Variants in PLEC observed in about 807,000 individuals in gnomAD.
PLEC encodes the protein plectin, also known as hemidesmosomal protein 1.
In PLEC, 216 loss-of-function variants were observed where a neutral mutation model predicts 392.8. The ratio of observed to expected loss-of-function variants is 0.55; its 90% CI spans 0.49 to 0.62. The LOEUF (loss-of-function observed/expected upper bound fraction) is 0.62. PLEC is among the 20% of genes least tolerant of loss of function. PLEC has a pLI of 0.00. For missense variants in PLEC, 6,863 were observed against 6,563.4 expected (o/e 1.05, Z -1.58); for synonymous variants, 3,621 against 2,980.6 (o/e 1.21, Z -7.00).
chr8:143,950,907 G>T, upstream of PLEC: 1 of 1,132,118 alleles, frequency 8.8e-7, no homozygotes, highest in South Asian at 1.7e-5. Flanking sequence ...GCCTGGCTCC[G>T]TGCAATCCCT....
rs1169512539 is a variant in PLEC at position 143,924,730 on chromosome 8, C to T, written c.5199G>A (p.Glu1733=). 2 of 1,534,656 alleles carry T rather than the reference C, an allele frequency of 1.3e-6. No individual in the cohort carries two copies. The highest frequency in any genetic ancestry group is 1.7e-4 in the Middle Eastern group (1 of 5,980). Residue 1733 remains glutamate (E), a synonymous_variant, in exon 31 of 32, where the codon GAG becomes GAA. Transcript: ENST00000345136. ...EQGEQQRQLL[E]EELARLQREA... is the part of the protein sequence containing the mutation. ...CACGCTGCAGCCGGGCCAGCTCCTC[C>T]TCCAGCAGCTGCCGCTGCTGCTCCC...
chr8:143,917,150 G>C lies in PLEC; in HGVS notation c.12671C>G (p.Ala4224Gly), dbSNP rs368212208. The C allele has an allele frequency of 1.4e-4, 229 of 1,607,564 alleles. No individual in the cohort carries two copies. The highest frequency in any genetic ancestry group is 2.0e-4 in the Admixed American group (12 of 59,920). The part of the protein sequence containing the change: ...IDRSALDQYR[A>G]GTLSITEFAD... ...GAACTCGGTGATGGAGAGCGTGCCG[G>C]CGCGGTACTGGTCCAGTGCCGAGCG... Residue 4224 changes from alanine (A) to glycine (G), a missense_variant, in exon 32 of 32, where the codon GCC becomes GGC. Coordinates refer to ENST00000345136, the MANE Select transcript of PLEC (RefSeq NM_201384.3).
rs1828873368 is a variant in PLEC at position 143,935,729 on chromosome 8, C to G, written c.602+119G>C. On this transcript the variant is annotated intron_variant, in intron 6 of 31. Transcript: ENST00000345136. The stretch of plus-strand genomic sequence containing the variant: ...AACTCCACCACCCCGAGGCGGCCAG[C>G]TGGCACTCATCCCTGTTCCTCCTGC... The G allele has an allele frequency of 2.4e-5, 27 of 1,131,362 alleles. 1 individual carries two copies. The South Asian group carries it at 3.3e-4, about 14-fold the overall frequency. 70.1% of individuals were successfully genotyped at this position (1,131,362 alleles called of 1,614,324 possible). A position where few individuals can be genotyped will look rare whatever the true frequency, so the allele number is the denominator to read the frequency against.
Position 143,918,136 on chromosome 8 carries a change from C to T in PLEC, c.11685G>A (p.Glu3895=). 1.3e-6 allele frequency: 2 copies of T among 1,599,584 alleles called. No homozygotes were observed. The highest frequency in any genetic ancestry group is 1.7e-6 in the Non-Finnish European group (2 of 1,179,354). ...CCATGACCTGCGAGCGCACCAGCTC[C>T]TCCATGGTGATCTGCTTCCGCAGGC... The part of the protein sequence containing the change: ...FRGLRKQITM[E]ELVRSQVMDE... The change falls in exon 32 of 32, where the codon GAG becomes GAA. Residue 3895 remains glutamate (E), a synonymous_variant. Transcript: ENST00000345136.
intron 18 of PLEC, 22 bp downstream of exon 18, chr8:143,931,915 C>A: frequency 6.3e-7 from 1 of 1,586,280 alleles, no homozygotes; most frequent in Non-Finnish European, 8.6e-7. Flanking sequence ...AGCCACAGTG[C>A]GGAGGGGGCT....
rs538589589 is a variant in PLEC at position 143,918,492 on chromosome 8, C to T, written c.11329G>A (p.Glu3777Lys). 815 of 1,601,344 alleles carry T rather than the reference C, an allele frequency of 5.1e-4. No homozygotes were observed. The highest frequency in any genetic ancestry group is 6.1e-4 in the Non-Finnish European group (721 of 1,175,406). Residue 3777 changes from glutamate (E) to lysine (K), a missense_variant, in exon 32 of 32, where the codon GAG becomes AAG. Coordinates refer to ENST00000345136, the MANE Select transcript of PLEC (RefSeq NM_201384.3). ...GCCTGGAAGAGCGAGATGGTCTGCTCGGTGTAGGGGTCACGGTAGCCGGTG... is the reference window on the plus strand; with the variant it reads ...GCCTGGAAGAGCGAGATGGTCTGCTTGGTGTAGGGGTCACGGTAGCCGGTG... Reference protein sequence around the residue: ...AVTGYRDPYTEQTISLFQAMK... With the variant: ...AVTGYRDPYTKQTISLFQAMK...
At chr8:143,937,723 T>A (rs1554724631) in intron 3 of PLEC, 1 of 490,376 alleles carries the variant, frequency 2.0e-6, no homozygotes, top group African/African-American at 1.9e-5. Flanking sequence ...CCCGTGCCGC[T>A]GCAGCCGGCA....
In PLEC at chr8:143,919,080, C is replaced by T. The variant is rs782459958; in HGVS notation, c.10741G>A (p.Gly3581Ser). 19 of 1,611,446 alleles carry T rather than the reference C, an allele frequency of 1.2e-5. No individual in the cohort carries two copies. The highest frequency in any genetic ancestry group is 2.2e-5 in the East Asian group (1 of 44,878). The change falls in exon 32 of 32, where the codon GGC becomes AGC. Residue 3581 changes from glycine (G) to serine (S), a missense_variant. Coordinates refer to ENST00000345136, the MANE Select transcript of PLEC (RefSeq NM_201384.3). ...QIDIPGGGSHGGSTMSLWEVM... is the reference protein window; with the variant it reads ...QIDIPGGGSHSGSTMSLWEVM... ...TCCCACAGGGACATGGTGGAGCCGC[C>T]GTGGCTGCCGCCGCCGGGAATGTCG...
intron 30 of PLEC, 49 bp from the exon 31 acceptor site, chr8:143,925,933 G>C (rs782696116): frequency 2.0e-6 from 3 of 1,519,908 alleles, no homozygotes; most frequent in Non-Finnish European, 1.8e-6. Context: ...GTGTGAACAC[G>C]GGCAGGCGCT....
chr8:143,924,807 G>A lies in PLEC; in HGVS notation c.5122C>T (p.Arg1708Cys), dbSNP rs1455649324. ...ATCAACTCCTGCTCCGCGGCCAGGC[G>A]CTGCTGCGCGGTGCCTTCCGCCAGC... ...RQLAEGTAQQ[R>C]LAAEQELIRL... Residue 1708 changes from arginine to cysteine, a missense_variant, in exon 31 of 32, where the codon CGC (arginine) becomes TGC (cysteine). Physicochemically the swap from Arg to Cys is radical, Grantham distance 180. Coordinates refer to ENST00000345136, the MANE Select transcript of PLEC (RefSeq NM_201384.3). 1.8e-5 allele frequency: 27 copies of A among 1,539,242 alleles called. No individual in the cohort carries two copies. The highest frequency in any genetic ancestry group is 4.9e-5 in the East Asian group (2 of 41,004).
In PLEC at chr8:143,916,854, C is replaced by A; in HGVS notation, c.12967G>T (p.Asp4323Tyr). The change falls in exon 32 of 32, where the codon GAC becomes TAC. Residue 4323 changes from aspartate to tyrosine, a missense_variant. Transcript: ENST00000345136. ...EAQACTGGIIDPSTGERFPVT... is the reference protein window; with the variant it reads ...EAQACTGGIIYPSTGERFPVT... ...GGGAAGCGCTCACCGGTGCTGGGGT[C>A]GATGATGCCCCCGGTGCAGGCCTGC... 1 of 1,611,982 alleles carries A rather than the reference C, an allele frequency of 6.2e-7. No homozygotes were observed. The highest frequency in any genetic ancestry group is 8.5e-7 in the Non-Finnish European group (1 of 1,179,676).
intron 1 of PLEC, among the ~76,000 whole-genome samples, chr8:143,947,632 C>T (rs1831654378): frequency 6.6e-6 from 1 of 151,834 alleles, no homozygotes; most frequent in Non-Finnish European, 1.5e-5. Context: ...TGCCTGTAAT[C>T]CCAGCTACTC....
Position 143,921,645 on chromosome 8 carries a change from C to T in PLEC, c.8176G>A (p.Ala2726Thr). The T allele has an allele frequency of 1.9e-6, 3 of 1,613,080 alleles. No individual in the cohort carries two copies. The highest frequency in any genetic ancestry group is 1.7e-6 in the Non-Finnish European group (2 of 1,179,926). Residue 2726 changes from alanine (A) to threonine (T), a missense_variant, in exon 32 of 32, where the codon GCC (alanine) becomes ACC (threonine). Physicochemically the swap from Ala to Thr is moderately conservative, Grantham distance 58. Transcript: ENST00000345136. ...LQRQLLSPGT[A>T]LILLEAQAAS... ...GCCTGCGCCTCCAGCAGGATGAGGG[C>T]CGTGCCGGGACTCAGCAGCTGCCTC... is the stretch of plus-strand genomic sequence containing the variant.
In PLEC at chr8:143,973,199, T is replaced by C. The variant is rs1043035557; in HGVS notation, c.70+204A>G. 1.4e-5 allele frequency among the ~76,000 whole-genome samples: 2 copies of C among 144,120 alleles called. No individual in the cohort carries two copies. The highest frequency in any genetic ancestry group is 3.1e-5 in the Non-Finnish European group (2 of 65,328). The allele number at this position is 144,120 out of a possible 152,430, so 94.5% of individuals were successfully genotyped here. Reference sequence around the variant, plus strand: ...CCCACCCGAGCCGCGCGATGCCCTATTAAGGGCATGGCCTCGGGGGCTCAG... The same window carrying C: ...CCCACCCGAGCCGCGCGATGCCCTACTAAGGGCATGGCCTCGGGGGCTCAG... On this transcript the variant is annotated intron_variant, in intron 1 of 31. Transcript: ENST00000356346. The surrounding 1 kb of genome is among the most constrained non-coding windows in gnomAD (Gnocchi z 5.6).
chr8:143,918,082 C>A lies in PLEC; in HGVS notation c.11739G>T (p.Glu3913Asp). 6.3e-7 allele frequency: 1 copy of A among 1,597,120 alleles called. No individual in the cohort carries two copies. The highest frequency in any genetic ancestry group is 1.1e-5 in the South Asian group (1 of 89,766). Residue 3913 changes from glutamate to aspartate, a missense_variant, in exon 32 of 32, where the codon GAG (glutamate) becomes GAT (aspartate). Transcript: ENST00000345136. ...TGACCTCCTCGATGGAGGTCAGGCCCTCCCGCAGCTGCAGCGCCGTGGCCT... is the reference window on the plus strand; with the variant it reads ...TGACCTCCTCGATGGAGGTCAGGCCATCCCGCAGCTGCAGCGCCGTGGCCT... ...MDEATALQLREGLTSIEEVTK... is the reference protein window; with the variant it reads ...MDEATALQLRDGLTSIEEVTK...
rs73715559 is a variant in PLEC at position 143,917,908 on chromosome 8, C to T, written c.11913G>A (p.Ala3971=). Residue 3971 remains alanine (A), a synonymous_variant, in exon 32 of 32, where the codon GCG becomes GCA. Transcript: ENST00000345136. ...GTAFELLEAQ[A]ATGYVIDPIK... ...TGGGGTCGATGACGTAACCGGTGGC[C>T]GCCTGCGCCTCCAGGAGCTCAAAGG... The T allele has an allele frequency of 6.3e-3, 10,105 of 1,612,960 alleles. 589 individuals carry two copies. The African/African-American group carries it at 0.12, about 19-fold the overall frequency.
chr8:143,922,634 T>C lies in PLEC; in HGVS notation c.7295A>G (p.Gln2432Arg), dbSNP rs782474460. The change falls in exon 31 of 32, where the codon CAG becomes CGG. Residue 2432 changes from glutamine (Q) to arginine (R), a missense_variant. By Grantham distance (43) the Gln-to-Arg change is conservative. Coordinates refer to ENST00000345136, the MANE Select transcript of PLEC (RefSeq NM_201384.3). ...CTGCTGTCGCTGGATCTCCAGTGTC[T>C]GCACCAGGGTCACCTTCTCCTGGGT... ...LATQEKVTLV[Q>R]TLEIQRQQSD... 1 of 1,613,628 alleles carries C rather than the reference T, an allele frequency of 6.2e-7. No individual in the cohort carries two copies. Among genetic ancestry groups the C allele is most frequent in the Non-Finnish European group, 8.5e-7 (1 of 1,179,976 alleles).
In PLEC at chr8:143,923,919, G is replaced by C. The variant is rs369813798; in HGVS notation, c.6010C>G (p.Arg2004Gly). Residue 2004 changes from arginine (R) to glycine (G), a missense_variant, in exon 31 of 32, where the codon CGG (arginine) becomes GGG (glycine). Physicochemically the swap from Arg to Gly is moderately radical, Grantham distance 125 (BLOSUM62 -2). Coordinates refer to ENST00000345136, the MANE Select transcript of PLEC (RefSeq NM_201384.3). ...LAAEEEAARQRKAALEEVERL... is the reference protein window; with the variant it reads ...LAAEEEAARQGKAALEEVERL... ...TCGACTTCCTCCAGCGCCGCCTTCC[G>C]CTGCCGTGCGGCCTCCTCCTCGGCC... 2 of 1,594,940 alleles carry C rather than the reference G, an allele frequency of 1.3e-6. No individual in the cohort carries two copies. The highest frequency in any genetic ancestry group is 1.7e-5 in the Admixed American group (1 of 59,808).
In PLEC at chr8:143,921,618, C is replaced by T. The variant is rs782625330; in HGVS notation, c.8203G>A (p.Ala2735Thr). The T allele has an allele frequency of 6.2e-7, 1 of 1,612,942 alleles. No homozygotes were observed. Among genetic ancestry groups the T allele is most frequent in the Admixed American group, 1.7e-5 (1 of 60,006 alleles). The change falls in exon 32 of 32, where the codon GCC (alanine) becomes ACC (threonine). Residue 2735 changes from alanine (A) to threonine (T), a missense_variant. Transcript: ENST00000345136. ...TALILLEAQA[A>T]SGFLLDPVRN... is the part of the protein sequence containing the mutation. ...ACAGGGTCCAGCAGGAAGCCTGAGG[C>T]CGCCTGCGCCTCCAGCAGGATGAGG... is the stretch of plus-strand genomic sequence containing the variant.
Sources: gnomAD v4.1 joint callset for allele counts (sites outside exome capture counted in the v4.1 genomes callset) on GRCh38, gnomAD v4.1.1 for gene constraint, Gnocchi (gnomAD v3.1) non-coding constraint, MANE v1.5 for transcripts, NCBI Gene and HGNC (gene_info 2026-07-23, HGNC 2026-07-21) for gene names.